Variants in RIMS1 observed in about 807,000 individuals in gnomAD.
RIMS1 encodes the protein regulating synaptic membrane exocytosis protein 1.
In RIMS1, 83 loss-of-function variants were observed where a neutral mutation model predicts 214.1. That is an observed-to-expected ratio of 0.39 (90% CI 0.32 to 0.47). The LOEUF is 0.47. RIMS1 is among the 20% of genes least tolerant of loss of function. The pLI is 0.99. For missense variants in RIMS1, 2,050 were observed against 2,161.8 expected (o/e 0.95, Z 1.03); for synonymous variants, 793 against 786.8 (o/e 1.01, Z -0.13).
intron 6 of RIMS1, among the ~76,000 whole-genome samples, chr6:72,204,174 A>G (rs1420582883): frequency 6.6e-6 from 1 of 152,224 alleles, no homozygotes; most frequent in Non-Finnish European, 1.5e-5. Context: ...AAGGAACAGA[A>G]GAGTGACTTT....
chr6:71,897,360 C>T (rs2150406764), intron 1 of RIMS1, among the ~76,000 whole-genome samples: 1 of 152,250 alleles, frequency 6.6e-6, no homozygotes, highest in East Asian at 1.9e-4. Flanking sequence ...CATGTCTCTC[C>T]CATAAAACCC....
chr6:72,003,617 T>G (rs924477242), intron 2 of RIMS1, among the ~76,000 whole-genome samples: 1 of 151,984 alleles, frequency 6.6e-6, no homozygotes, highest in African/African-American at 2.4e-5. Context: ...TGTCTGTGTG[T>G]GTGTGTGTGT....
rs532178997 is a variant in RIMS1, at chr6:72,047,471, T to C, written c.246-49478T>C. On this transcript the variant is annotated intron_variant, in intron 2 of 33. Coordinates refer to ENST00000521978, the MANE Select transcript of RIMS1 (RefSeq NM_014989.7). ...TTTAATTTTCACCAGCCTTAAGCAG[T>C]TTGTTAATCTGCCTGAACTAAACAC... is the stretch of plus-strand genomic sequence containing the variant. 1.0e-3 allele frequency among the ~76,000 whole-genome samples: 153 copies of C among 152,276 alleles called. 1 individual carries two copies. Among genetic ancestry groups the C allele is most frequent in the African/African-American group, 3.2e-3 (134 of 41,568 alleles).
chr6:72,275,160 A>G (rs1290834765), intron 23 of RIMS1, among the ~76,000 whole-genome samples: 38 of 20,022 alleles, frequency 1.9e-3, no homozygotes, highest in Non-Finnish European at 3.3e-3. Context: ...ATATATATAT[A>G]TATATATATA....
Position 72,329,535 on chromosome 6 carries a change from G to GT in RIMS1, c.4131-4054dup, listed in dbSNP as rs574690733. Among the ~76,000 whole-genome samples, 615 of 145,744 alleles carry GT rather than the reference G, an allele frequency of 4.2e-3. 6 individuals are homozygous for GT. Among genetic ancestry groups the GT allele is most frequent in the South Asian group, 0.025 (116 of 4,620 alleles). On this transcript the variant is annotated intron_variant, in intron 28 of 33. Transcript: ENST00000521978. ...GATAGTAATCATATGCCCTTTATTA[G>GT]TTTTTTTTTTTCAAATTAACATCTA...
At chr6:72,280,849 T>C (rs2089756097) in intron 23 of RIMS1, among the ~76,000 whole-genome samples, 1 of 152,136 alleles carries the variant, frequency 6.6e-6, no homozygotes, top group South Asian at 2.1e-4. Flanking sequence ...CACCACTTGC[T>C]AATTCCAAGT....
chr6:72,192,702 C>A (rs1006211132), intron 6 of RIMS1, among the ~76,000 whole-genome samples: 1 of 152,204 alleles, frequency 6.6e-6, no homozygotes, highest in Admixed American at 6.5e-5. Context: ...GCTATGCCCA[C>A]CTTGCCTTTG....
At chr6:72,326,416 C>T (rs1467883862) in intron 28 of RIMS1, among the ~76,000 whole-genome samples, 1 of 151,780 alleles carries the variant, frequency 6.6e-6, no homozygotes, top group East Asian at 1.9e-4. Context: ...TTACATTACC[C>T]ATCACTTCTG....
chr6:72,087,068 T>A (rs1279267967), intron 2 of RIMS1, among the ~76,000 whole-genome samples: 1 of 152,240 alleles, frequency 6.6e-6, no homozygotes. Flanking sequence ...AAGTTTTACG[T>A]TGATTTGCTG....
At chr6:72,085,039 A>G (rs1269896993) in intron 2 of RIMS1, among the ~76,000 whole-genome samples, 1 of 152,192 alleles carries the variant, frequency 6.6e-6, no homozygotes, top group African/African-American at 2.4e-5. Context: ...CATTTTCCTA[A>G]TAAGTCAAAT....
intron 29 of RIMS1, among the ~76,000 whole-genome samples, chr6:72,355,083 C>T (rs2097581157): frequency 6.6e-6 from 1 of 152,142 alleles, no homozygotes; most frequent in Non-Finnish European, 1.5e-5. Flanking sequence ...AGAGTGAATA[C>T]ATGCATTTTG....
chr6:72,022,327 G>A (rs1814956020), intron 2 of RIMS1, among the ~76,000 whole-genome samples: 1 of 152,098 alleles, frequency 6.6e-6, no homozygotes, highest in African/African-American at 2.4e-5. Context: ...CCAACAAGAT[G>A]GAGTCCCCTG....
At chr6:72,218,547 TTAAA>T (rs1156241086) in intron 6 of RIMS1, among the ~76,000 whole-genome samples, 15 of 152,348 alleles carry the variant, frequency 9.8e-5, no homozygotes, top group South Asian at 2.1e-4. Context: ...TCTAGCCTAA[TTAAA>T]TATATTTTTT....
At chr6:71,971,790 C>A (rs1385284824) in intron 2 of RIMS1, among the ~76,000 whole-genome samples, 1 of 152,106 alleles carries the variant, frequency 6.6e-6, no homozygotes, top group Non-Finnish European at 1.5e-5. Flanking sequence ...ATCATGAGAA[C>A]AGCATGGGAA....
intron 4 of RIMS1, among the ~76,000 whole-genome samples, chr6:72,103,926 G>A (rs2034202975): frequency 6.6e-6 from 1 of 152,004 alleles, no homozygotes; most frequent in Admixed American, 6.6e-5. Flanking sequence ...CAATGATTCA[G>A]TCTGTGTGAA....
At chr6:72,233,452 G>T (rs1449860590) in intron 6 of RIMS1, among the ~76,000 whole-genome samples, 1 of 150,704 alleles carries the variant, frequency 6.6e-6, no homozygotes, top group Non-Finnish European at 1.5e-5. Context: ...TAGATAGCAG[G>T]TTGTGGCTGG....
At chr6:72,396,431 T>C (rs967280357) in intron 31 of RIMS1, among the ~76,000 whole-genome samples, 2 of 152,154 alleles carry the variant, frequency 1.3e-5, no homozygotes, top group African/African-American at 4.8e-5. Context: ...ATTGGAATAA[T>C]ATGGCAGCAT....
intron 22 of RIMS1, among the ~76,000 whole-genome samples, chr6:72,267,624 A>G (rs960536708): frequency 6.6e-5 from 10 of 152,150 alleles, no homozygotes; most frequent in African/African-American, 2.2e-4. Flanking sequence ...CCCACTTTGG[A>G]CTAACCACAT....
chr6:72,305,578 C>G (rs938319021), intron 26 of RIMS1, among the ~76,000 whole-genome samples: 2 of 152,122 alleles, frequency 1.3e-5, no homozygotes, highest in Non-Finnish European at 2.9e-5. Flanking sequence ...TTCACATTTT[C>G]TATATTGCAT....
Sources: gnomAD v4.1 joint callset for allele counts (sites outside exome capture counted in the v4.1 genomes callset) on GRCh38, gnomAD v4.1.1 for gene constraint, MANE v1.5 for transcripts, NCBI Gene and HGNC (gene_info 2026-07-23, HGNC 2026-07-21) for gene names.